The following ARMH3 variants were observed in gnomAD, a reference collection of about 807,000 sequenced individuals.
ARMH3 encodes armadillo like helical domain containing 3, also known as armadillo-like helical domain-containing protein 3.
ARMH3 carries 60 observed loss-of-function variants against 99.1 expected under a neutral mutation model. That is an observed-to-expected ratio of 0.61 (90% CI 0.49 to 0.75). The LOEUF (loss-of-function observed/expected upper bound fraction) is 0.75. Among genes scored for constraint, ARMH3 ranks in the 30% least tolerant of loss-of-function variants. ARMH3 has a pLI of 0.00. For missense variants in ARMH3, 679 were observed against 843.1 expected (o/e 0.81, Z 2.41); for synonymous variants, 285 against 292.8 (o/e 0.97, Z 0.27).
In ARMH3 at chr10:101,999,551, G is replaced by A. The variant is rs550524414; in HGVS notation, c.1150+2420C>T. 1.7e-4 allele frequency among the ~76,000 whole-genome samples: 26 copies of A among 152,176 alleles called. No individual in the cohort carries two copies. In the East Asian group the frequency reaches 4.8e-3, roughly 28 times the overall value. ...TCAATCTGTAGGTACCAAAAGAAAT[G>A]CTAATAAAAATGTTCATTAAAATGC... On this transcript the variant is annotated intron_variant, in intron 15 of 25. Transcript: ENST00000370033.
intron 8 of ARMH3, among the ~76,000 whole-genome samples, chr10:102,014,979 C>T (rs528556793): frequency 6.6e-6 from 1 of 152,314 alleles, no homozygotes; most frequent in East Asian, 1.9e-4. Context: ...GAAAACCCAA[C>T]TGAAAGGCTC....
chr10:101,956,396 T>C (rs568342931), intron 22 of ARMH3, among the ~76,000 whole-genome samples: 1 of 152,286 alleles, frequency 6.6e-6, no homozygotes, highest in Non-Finnish European at 1.5e-5. Context: ...TAACCAGCTT[T>C]ACACTGAGAT....
chr10:102,034,161 T>C (rs763566684), intron 2 of ARMH3, among the ~76,000 whole-genome samples: 3 of 152,238 alleles, frequency 2.0e-5, no homozygotes, highest in Non-Finnish European at 2.9e-5. Context: ...TGACTGCTTC[T>C]ACTTGCCCTC....
At position 102,007,656 on chromosome 10, in the gene ARMH3, T is replaced by TAAA. The variant is rs961346897; in HGVS notation, c.955-1026_955-1024dup. On this transcript the variant is annotated intron_variant, in intron 13 of 25. Coordinates refer to ENST00000370033, the MANE Select transcript of ARMH3 (RefSeq NM_024541.3). Reference sequence around the variant, plus strand: ...TAACACAGTGAAACTCTGTCTCTACTAAAAAAAAAAAAAAAAAAAAAAAAA... The same window carrying TAAA: ...TAACACAGTGAAACTCTGTCTCTACTAAAAAAAAAAAAAAAAAAAAAAAAAAAA... Among the ~76,000 whole-genome samples, 159 of 54,962 alleles carry TAAA rather than the reference T, an allele frequency of 2.9e-3. 3 individuals carry two copies. Among genetic ancestry groups the TAAA allele is most frequent in the African/African-American group, 8.1e-3 (109 of 13,440 alleles). 36.1% of individuals were successfully genotyped at this position (54,962 alleles called of 152,430 possible). A position where few individuals can be genotyped will look rare whatever the true frequency, so the allele number is the denominator to read the frequency against.
At position 102,009,511 on chromosome 10, in the gene ARMH3, C is replaced by A. The variant is rs556276372; in HGVS notation, c.879-62G>T. ...AGTGGGGGGAGTTAAAACAGTATAA[C>A]CATGAAGATAAGATTGGATTGCACC... On this transcript the variant is annotated intron_variant, in intron 12 of 25. Transcript: ENST00000370033. The A allele has an allele frequency of 5.8e-4, 787 of 1,360,842 alleles. 1 individual carries two copies. The highest frequency in any genetic ancestry group is 3.6e-3 in the Middle Eastern group (20 of 5,524). 84.3% of individuals were successfully genotyped at this position (1,360,842 alleles called of 1,614,324 possible). A position where few individuals can be genotyped will look rare whatever the true frequency, so the allele number is the denominator to read the frequency against.
chr10:101,912,933 A>G (rs1269641584), intron 23 of ARMH3: 1 of 152,188 alleles, frequency 6.6e-6, no homozygotes, highest in Non-Finnish European at 1.5e-5. Flanking sequence ...ACACTTCCAT[A>G]TGTACATATT....
intron 8 of ARMH3, among the ~76,000 whole-genome samples, chr10:102,020,726 G>A (rs552930612): frequency 4.7e-4 from 71 of 149,940 alleles, no homozygotes; most frequent in Non-Finnish European, 8.6e-4. Context: ...TGTGGCAGGT[G>A]CCTGTAATCC....
intron 24 of ARMH3, among the ~76,000 whole-genome samples, chr10:101,888,414 G>C (rs2067604821): frequency 1.3e-5 from 2 of 152,212 alleles, no homozygotes; most frequent in African/African-American, 4.8e-5. Context: ...GACTAATAGA[G>C]TCCTATCCAT....
intron 23 of ARMH3, among the ~76,000 whole-genome samples, chr10:101,905,897 C>A (rs552415888): frequency 6.6e-6 from 1 of 152,322 alleles, no homozygotes; most frequent in East Asian, 1.9e-4. Context: ...TCCATGAACC[C>A]CTTTTTGATT....
At chr10:102,051,235 G>A (rs761398946) in intron 1 of ARMH3, among the ~76,000 whole-genome samples, 3 of 151,784 alleles carry the variant, frequency 2.0e-5, no homozygotes, top group African/African-American at 7.3e-5. Flanking sequence ...CACTTTGGGA[G>A]GCCAAGGCCG....
intron 20 of ARMH3, among the ~76,000 whole-genome samples, chr10:101,969,313 G>C (rs1312202419): frequency 6.6e-6 from 1 of 152,252 alleles, no homozygotes; most frequent in East Asian, 1.9e-4. Flanking sequence ...GTTTAAAAAA[G>C]AAACTAAACT....
At chr10:102,005,507 G>A (rs2066463081) in intron 14 of ARMH3, among the ~76,000 whole-genome samples, 1 of 151,630 alleles carries the variant, frequency 6.6e-6, no homozygotes, top group East Asian at 1.9e-4. Flanking sequence ...TGTTTATACT[G>A]CCTGGAAATG....
intron 22 of ARMH3, among the ~76,000 whole-genome samples, chr10:101,942,608 T>C (rs778463982): frequency 1.3e-5 from 2 of 152,132 alleles, no homozygotes; most frequent in Non-Finnish European, 2.9e-5. Flanking sequence ...ATGCCTGTAA[T>C]CCCAGCACTT....
At chr10:101,999,106 G>A (rs1379003910) in intron 15 of ARMH3, among the ~76,000 whole-genome samples, 2 of 151,812 alleles carry the variant, frequency 1.3e-5, no homozygotes, top group Non-Finnish European at 2.9e-5. Flanking sequence ...AAATTACAAA[G>A]AACTTTCACT....
chr10:101,906,008 A>C (rs992273205), intron 23 of ARMH3, among the ~76,000 whole-genome samples: 2 of 152,132 alleles, frequency 1.3e-5, no homozygotes, highest in African/African-American at 4.8e-5. Flanking sequence ...TGTGTTCTTA[A>C]ATGTTACGTA....
chr10:102,045,666 T>C (rs2067531335), intron 1 of ARMH3, among the ~76,000 whole-genome samples: 1 of 152,198 alleles, frequency 6.6e-6, no homozygotes, highest in Non-Finnish European at 1.5e-5. Flanking sequence ...ATTTTTTTAA[T>C]ATATAAGAAG....
intron 23 of ARMH3, among the ~76,000 whole-genome samples, chr10:101,894,355 G>C (rs1448440495): frequency 6.6e-6 from 1 of 152,202 alleles, no homozygotes; most frequent in Non-Finnish European, 1.5e-5. Flanking sequence ...TTGTACTAGT[G>C]AAATGGAAAT....
At chr10:101,904,466 T>C (rs1007087476) in intron 23 of ARMH3, among the ~76,000 whole-genome samples, 3 of 152,032 alleles carry the variant, frequency 2.0e-5, no homozygotes, top group Admixed American at 6.6e-5. Context: ...AAGATAAAAA[T>C]AGCACTAATT....
chr10:101,887,702 G>C (rs2067585502), intron 24 of ARMH3, among the ~76,000 whole-genome samples: 1 of 150,426 alleles, frequency 6.6e-6, no homozygotes, highest in African/African-American at 2.4e-5. Context: ...CAAAGTGCTG[G>C]GATTACAAGT....
Sources: allele counts gnomAD v4.1 joint callset (sites outside exome capture counted in the v4.1 genomes callset), GRCh38; gene constraint gnomAD v4.1.1; transcripts MANE v1.5; gene names NCBI Gene and HGNC (gene_info 2026-07-23, HGNC 2026-07-21).